AFF4: variants seen among roughly 807,000 people sequenced by gnomAD.
The protein encoded by AFF4 is AF4/FMR2 family member 4.
AFF4 carries 13 observed loss-of-function variants against 124.8 expected under a neutral mutation model. The ratio of observed to expected loss-of-function variants is 0.10; its 90% CI spans 0.07 to 0.17. The LOEUF is 0.17. Ranked by LOEUF, AFF4 falls within the 10% of genes least tolerant of loss-of-function variation. AFF4 has a pLI of 1.00. For missense variants in AFF4, 1,092 were observed against 1,403.8 expected, an observed-to-expected ratio of 0.78 and a Z score of 3.55; for synonymous variants, 477 against 496.1, an observed-to-expected ratio of 0.96 and a Z score of 0.51.
intron 3 of AFF4, among the ~76,000 whole-genome samples, chr5:132,933,793 T>C (rs1008029484): frequency 7.3e-5 from 11 of 151,406 alleles, no homozygotes; most frequent in African/African-American, 2.0e-4. Context: ...AATCTAAGCA[T>C]AGAAAAGTTA....
At chr5:132,953,261 G>A (rs374931099) in intron 1 of AFF4, among the ~76,000 whole-genome samples, 4 of 151,690 alleles carry the variant, frequency 2.6e-5, no homozygotes, top group African/African-American at 7.3e-5. Flanking sequence ...ATTTTTTAGA[G>A]ACAGGGTCTC....
At chr5:132,954,936 C>A (rs1761920503) in intron 1 of AFF4, among the ~76,000 whole-genome samples, 1 of 152,188 alleles carries the variant, frequency 6.6e-6, no homozygotes, top group South Asian at 2.1e-4. Flanking sequence ...CACATCCTGC[C>A]CTCCTGGTAC....
At position 132,939,587 on chromosome 5, in the gene AFF4, T is replaced by A. The variant is rs191958153; in HGVS notation, c.-4-2394A>T. Among the ~76,000 whole-genome samples the A allele has an allele frequency of 3.0e-4, 45 of 152,322 alleles. No homozygotes were observed. The South Asian group carries it at 4.3e-3, about 15-fold the overall frequency. ...ATGTTAACTACCAGTTTCCTTAAAT[T>A]TAAATCCTGAAAGATCTGCAACTTC... is the stretch of plus-strand genomic sequence containing the variant. On this transcript the variant is annotated intron_variant, in intron 1 of 20. Coordinates refer to ENST00000265343, the MANE Select transcript of AFF4 (RefSeq NM_014423.4).
rs1761365845 is a variant in AFF4 at position 132,934,216 on chromosome 5, G to A, written c.849C>T (p.Ser283=). The part of the protein sequence containing the change: ...EHYSSQSHGN[S]MTELKPSSKA... ...TGCTGCTGGGCTTCAGCTCAGTCAT[G>A]CTGTTGCCATGGGATTGGCTGCTGT... Residue 283 remains serine (S), a synonymous_variant, in exon 3 of 21, where the codon AGC becomes AGT. Coordinates refer to ENST00000265343, the MANE Select transcript of AFF4 (RefSeq NM_014423.4). 1.2e-6 allele frequency: 2 copies of A among 1,614,188 alleles called. No individual in the cohort carries two copies. Among genetic ancestry groups the A allele is most frequent in the Non-Finnish European group, 1.7e-6 (2 of 1,180,040 alleles).
In AFF4 at chr5:132,944,366, G is replaced by T. The variant is rs1195584973; in HGVS notation, c.-4-7173C>A. Among the ~76,000 whole-genome samples the T allele has an allele frequency of 2.0e-5, 3 of 151,636 alleles. No homozygotes were observed. The East Asian group carries it at 5.9e-4, about 30-fold the overall frequency. On this transcript the variant is annotated intron_variant, in intron 1 of 20. Transcript: ENST00000265343. ...AAAAAACAGAGGATAAGGCCAGAAG[G>T]TCAGGCACGGTGGTTCACACCTGTA... is the stretch of plus-strand genomic sequence containing the variant.
chr5:132,936,090 AC>A (rs1399173292), intron 2 of AFF4, among the ~76,000 whole-genome samples: 1 of 151,330 alleles, frequency 6.6e-6, no homozygotes, highest in Non-Finnish European at 1.5e-5. Context: ...ACATGGTGAA[AC>A]CCTGTCTCTA....
chr5:132,947,145 T>C (rs2150108128), intron 1 of AFF4, among the ~76,000 whole-genome samples: 1 of 152,340 alleles, frequency 6.6e-6, no homozygotes, highest in Non-Finnish European at 1.5e-5. Flanking sequence ...GGCTGGCATC[T>C]GTAATCCCAG....
intron 2 of AFF4, among the ~76,000 whole-genome samples, chr5:132,935,696 G>A (rs553403849): frequency 2.4e-4 from 36 of 151,324 alleles, no homozygotes; most frequent in African/African-American, 6.5e-4. Context: ...GCTTGAACCC[G>A]GGAAGCAGAG....
At position 132,877,646 on chromosome 5, in the gene AFF4, C is replaced by CT. The variant is rs1019790647; in HGVS notation, c.*3412_*3413insA. On this transcript the variant is annotated 3_prime_UTR_variant, in exon 21 of 21. Coordinates refer to ENST00000265343, the MANE Select transcript of AFF4 (RefSeq NM_014423.4). ...TATAACTAGGCATCACTGACTGGAACAATCACTGGCTGCTCTGAAACTCCA... is the reference window on the plus strand; with the variant it reads ...TATAACTAGGCATCACTGACTGGAACTAATCACTGGCTGCTCTGAAACTCCA... 4.3e-5 allele frequency: 9 copies of CT among 211,252 alleles called. 1 individual carries two copies. Among genetic ancestry groups the CT allele is most frequent in the East Asian group, 1.4e-4 (2 of 14,060 alleles). 13.1% of individuals were successfully genotyped at this position (211,252 alleles called of 1,614,324 possible).
intron 3 of AFF4, among the ~76,000 whole-genome samples, chr5:132,933,168 C>T (rs529091203): frequency 3.9e-4 from 60 of 152,102 alleles, no homozygotes; most frequent in Middle Eastern, 3.4e-3. Flanking sequence ...GAGGCCGAGG[C>T]GGGCGGATCA....
chr5:132,960,383 G>A (rs1762056501), intron 1 of AFF4, among the ~76,000 whole-genome samples: 1 of 152,094 alleles, frequency 6.6e-6, no homozygotes, highest in Admixed American at 6.6e-5. Context: ...TCATTGTCCA[G>A]GTGTGCTCTC....
Position 132,934,253 on chromosome 5 carries a change from G to A in AFF4, c.812C>T (p.Ser271Phe), listed in dbSNP as rs780577841. 1.2e-6 allele frequency: 2 copies of A among 1,614,176 alleles called. No individual in the cohort carries two copies. The highest frequency in any genetic ancestry group is 1.7e-6 in the Non-Finnish European group (2 of 1,180,034). Residue 271 changes from serine (S) to phenylalanine (F), a missense_variant, in exon 3 of 21, where the codon TCC becomes TTC. This residue lies in a region of AFF4 where 148 missense variants were observed against 196.3 expected (regional missense o/e 0.75). Coordinates refer to ENST00000265343, the MANE Select transcript of AFF4 (RefSeq NM_014423.4). ...GGATTGGCTGCTGTAGTGCTCAGAG[G>A]ACAGCTTTGGTTCCATGGACTCCTG... ...DGQESMEPKL[S>F]SEHYSSQSHG...
rs374407326 is a variant in AFF4, at chr5:132,899,086, A to G, written c.1226+18T>C. On this transcript the variant is annotated intron_variant, in intron 9 of 20. Coordinates refer to ENST00000265343, the MANE Select transcript of AFF4 (RefSeq NM_014423.4). ...ACCCAACTCTTACCAATAAAACAGAAAAGAAAAGGATGCCCACCTTCCTGG... is the reference window on the plus strand; with the variant it reads ...ACCCAACTCTTACCAATAAAACAGAGAAGAAAAGGATGCCCACCTTCCTGG... 1.2e-6 allele frequency: 2 copies of G among 1,611,124 alleles called. No homozygotes were observed. Among genetic ancestry groups the G allele is most frequent in the Non-Finnish European group, 1.7e-6 (2 of 1,177,648 alleles).
In AFF4 at chr5:132,879,741, C is replaced by T; in HGVS notation, c.*1318G>A. On this transcript the variant is annotated 3_prime_UTR_variant, in exon 21 of 21. Transcript: ENST00000265343. ...TTGTAGCAAAAGGTACTTTGATATA[C>T]AACTCTTACAGAGCCAGCTTCTTTA... The T allele has an allele frequency of 4.6e-6, 1 of 217,682 alleles. No individual in the cohort carries two copies. Among genetic ancestry groups the T allele is most frequent in the East Asian group, 6.8e-5 (1 of 14,682 alleles). 13.5% of individuals were successfully genotyped at this position (217,682 alleles called of 1,614,324 possible).
intron 8 of AFF4, 125 bp from the exon 9 acceptor site, chr5:132,899,266 C>T: frequency 4.6e-6 from 4 of 870,892 alleles, no homozygotes; most frequent in Non-Finnish European, 7.1e-6. Flanking sequence ...CAATATTTAG[C>T]ACTTATACTG....
chr5:132,938,941 C>CAAAAAAAAA (rs762784790), intron 1 of AFF4, among the ~76,000 whole-genome samples: 1 of 38,336 alleles, frequency 2.6e-5, no homozygotes, highest in African/African-American at 1.0e-4. Context: ...AGACTCATCT[C>CAAAAAAAAA]AAAAAAAAAA....
At chr5:132,906,387 C>T (rs1404820656) in intron 5 of AFF4, among the ~76,000 whole-genome samples, 5 of 152,040 alleles carry the variant, frequency 3.3e-5, no homozygotes, top group Admixed American at 3.3e-4. Context: ...AATGTATAAA[C>T]AAAATGTGAT....
At position 132,881,178 on chromosome 5, in the gene AFF4, C is replaced by A. The variant is rs1411025144; in HGVS notation, c.3373G>T (p.Ala1125Ser). 1.2e-6 allele frequency: 2 copies of A among 1,613,670 alleles called. No homozygotes were observed. The highest frequency in any genetic ancestry group is 2.2e-5 in the South Asian group (2 of 90,988). Residue 1125 changes from alanine (A) to serine (S), a missense_variant, in exon 21 of 21, where the codon GCT becomes TCT. Around this residue, in one of 11 missense-constraint regions of AFF4, gnomAD observed 173 missense variants for 294.9 expected, o/e 0.59. Coordinates refer to ENST00000265343, the MANE Select transcript of AFF4 (RefSeq NM_014423.4). ...GGGCCCATTACTTTATCCAGTTCAG[C>A]AAAGAATTCTAGAAAACCAAAAACA... is the stretch of plus-strand genomic sequence containing the variant. ...QLSKEQKEFFAELDKVMGPLI... is the reference protein window; with the variant it reads ...QLSKEQKEFFSELDKVMGPLI...
At chr5:132,949,082 G>C (rs558743454) in intron 1 of AFF4, among the ~76,000 whole-genome samples, 1 of 151,882 alleles carries the variant, frequency 6.6e-6, no homozygotes, top group Non-Finnish European at 1.5e-5. Flanking sequence ...ACTCAGTGAC[G>C]GGTCTAAAAA....
Sources: gnomAD v4.1 joint callset for allele counts (sites outside exome capture counted in the v4.1 genomes callset) on GRCh38, gnomAD v4.1.1 for gene constraint, gnomAD v4.1.1 regional missense constraint, MANE v1.5 for transcripts, NCBI Gene and HGNC (gene_info 2026-07-23, HGNC 2026-07-21) for gene names.